The following HYCC1 variants were observed in gnomAD, a reference collection of about 807,000 sequenced individuals.
HYCC1 encodes the protein hyccin PI4KA lipid kinase complex subunit 1, also known as hyccin.
At chr7:22,984,716 G>A in the HYCC1 span, among the ~76,000 whole-genome samples, 2 of 152,044 alleles carry the variant, frequency 1.3e-5, no homozygotes, top group Non-Finnish European at 2.9e-5. Context: ...AATGAGACAG[G>A]GTCAAATTAA....
the HYCC1 span, among the ~76,000 whole-genome samples, chr7:22,924,905 C>T: frequency 7.9e-5 from 12 of 152,302 alleles, no homozygotes; most frequent in South Asian, 4.1e-4. Flanking sequence ...CCCTGACTCC[C>T]GAGTAGCCTA....
chr7:22,966,191 G>T, the HYCC1 span, among the ~76,000 whole-genome samples: 1 of 152,162 alleles, frequency 6.6e-6, no homozygotes, highest in African/African-American at 2.4e-5. Context: ...AAAAGTCATA[G>T]TTATCTCTGA....
At chr7:22,957,177 C>T in the HYCC1 span, among the ~76,000 whole-genome samples, 2 of 151,470 alleles carry the variant, frequency 1.3e-5, no homozygotes, top group African/African-American at 4.8e-5. Flanking sequence ...AATAAATATC[C>T]ATTAATTGCT....
chr7:22,986,102 T>C, the HYCC1 span, among the ~76,000 whole-genome samples: 2 of 152,022 alleles, frequency 1.3e-5, no homozygotes, highest in African/African-American at 2.4e-5. Context: ...TCAGCTTATA[T>C]ACTAGCTGAC....
chr7:22,911,764 C>A, the HYCC1 span, among the ~76,000 whole-genome samples: 5 of 152,104 alleles, frequency 3.3e-5, no homozygotes, highest in Non-Finnish European at 5.9e-5. Flanking sequence ...ATCAAAAAAT[C>A]GTAATAATAA....
At chr7:23,013,001 G>A in the HYCC1 span, among the ~76,000 whole-genome samples, 1 of 152,144 alleles carries the variant, frequency 6.6e-6, no homozygotes, top group East Asian at 1.9e-4. Flanking sequence ...GAAGAGCGCC[G>A]CGGCTGCCAG....
chr7:22,945,319 T>C, the HYCC1 span: 1 of 490,706 alleles, frequency 2.0e-6, no homozygotes, highest in African/African-American at 1.9e-5. Flanking sequence ...TTATTGTCAC[T>C]GACAATCTTA....
chr7:23,010,766 G>A, the HYCC1 span, among the ~76,000 whole-genome samples: 1 of 152,112 alleles, frequency 6.6e-6, no homozygotes, highest in Admixed American at 6.5e-5. Flanking sequence ...ATTCTTTAAA[G>A]TTCCTGAGAT....
At chr7:22,913,635 C>T in the HYCC1 span, among the ~76,000 whole-genome samples, 1 of 152,198 alleles carries the variant, frequency 6.6e-6, no homozygotes, top group African/African-American at 2.4e-5. Context: ...GACCCCTGCC[C>T]CTGCCCACAA....
the HYCC1 span, among the ~76,000 whole-genome samples, chr7:22,996,794 T>C: frequency 1.3e-5 from 2 of 152,046 alleles, no homozygotes; most frequent in African/African-American, 4.8e-5. Flanking sequence ...ACCCCCACAT[T>C]TCATATATAA....
chr7:22,931,595 C>T, the HYCC1 span, among the ~76,000 whole-genome samples: 1 of 151,980 alleles, frequency 6.6e-6, no homozygotes, highest in Non-Finnish European at 1.5e-5. Context: ...GAAATATGGG[C>T]ATTAAAGGTG....
the HYCC1 span, among the ~76,000 whole-genome samples, chr7:22,953,158 T>C: frequency 1.3e-5 from 2 of 151,904 alleles, no homozygotes; most frequent in Admixed American, 6.6e-5. Flanking sequence ...CAATAGAGAA[T>C]TGCAACATAC....
At chr7:22,907,306 T>C in the HYCC1 span, among the ~76,000 whole-genome samples, 1 of 151,976 alleles carries the variant, frequency 6.6e-6, no homozygotes, top group Non-Finnish European at 1.5e-5. Flanking sequence ...AAGGTAACAA[T>C]GAAGCAAAAA....
At chr7:22,991,142 G>A in the HYCC1 span, 1 of 1,576,964 alleles carries the variant, frequency 6.3e-7, no homozygotes, top group South Asian at 1.1e-5. Flanking sequence ...CCTTCAACCT[G>A]AAAATTAACA....
the HYCC1 span, among the ~76,000 whole-genome samples, chr7:22,910,290 CA>C: frequency 6.6e-6 from 1 of 152,116 alleles, no homozygotes; most frequent in Non-Finnish European, 1.5e-5. Context: ...TGTTTGTTCA[CA>C]AGAGAGCTAG....
the HYCC1 span, among the ~76,000 whole-genome samples, chr7:22,947,548 T>C: frequency 2.0e-5 from 3 of 152,078 alleles, no homozygotes; most frequent in African/African-American, 7.2e-5. Context: ...TAAATCAAAA[T>C]AAAATTTGTT....
chr7:22,930,347 TAA>T, the HYCC1 span, among the ~76,000 whole-genome samples: 626 of 114,966 alleles, frequency 5.4e-3, 5 homozygotes, highest in African/African-American at 0.019. Flanking sequence ...GTATAATAAT[TAA>T]AAAAAAAAAA....
chr7:22,928,119 T>C, the HYCC1 span, among the ~76,000 whole-genome samples: 1 of 152,150 alleles, frequency 6.6e-6, no homozygotes, highest in African/African-American at 2.4e-5. Context: ...GAAAAGGCCT[T>C]TGACAAAATT....
At chr7:22,988,664 C>G in the HYCC1 span, among the ~76,000 whole-genome samples, 2 of 152,160 alleles carry the variant, frequency 1.3e-5, no homozygotes, top group Admixed American at 1.3e-4. Context: ...ACTTAGAACC[C>G]ATGAGTTCAT....
Sources: allele counts gnomAD v4.1 joint callset (sites outside exome capture counted in the v4.1 genomes callset), GRCh38; gene constraint gnomAD v4.1.1; transcripts MANE v1.5; gene names NCBI Gene and HGNC (gene_info 2026-07-23, HGNC 2026-07-21).